The following ANKRD30A variants were observed in gnomAD, a reference collection of about 807,000 sequenced individuals.
The protein encoded by ANKRD30A is ankyrin repeat domain-containing protein 30A.
A neutral mutation model predicts 166.3 loss-of-function variants in ANKRD30A; 170 were observed. That is an observed-to-expected ratio of 1.02 (90% confidence interval 0.90 to 1.16). The LOEUF (loss-of-function observed/expected upper bound fraction) is 1.16. Ranked by LOEUF, ANKRD30A falls within the 50% of genes most tolerant of loss-of-function variation. The pLI, the probability that ANKRD30A is intolerant of heterozygous loss-of-function variation, is 0.00. For missense variants in ANKRD30A, 1,630 were observed against 1,518.0 expected (o/e 1.07, Z -1.23); for synonymous variants, 564 against 508.9 (o/e 1.11, Z -1.46).
chr10:37,196,572 CTT>C (rs1841134913), intron 27 of ANKRD30A, among the ~76,000 whole-genome samples: 1 of 152,034 alleles, frequency 6.6e-6, no homozygotes, highest in East Asian at 1.9e-4. Flanking sequence ...ATTGTGGTGA[CTT>C]AACAATTAAA....
intron 34 of ANKRD30A, among the ~76,000 whole-genome samples, chr10:37,230,931 G>C (rs1250743850): frequency 1.3e-5 from 2 of 152,034 alleles, no homozygotes; most frequent in South Asian, 2.1e-4. Context: ...CTTTGAAGCT[G>C]CTTTAGTTCT....
Position 37,152,135 on chromosome 10 carries a change from T to C in ANKRD30A, c.1707+14T>C, listed in dbSNP as rs1479658675. The C allele has an allele frequency of 1.9e-6, 3 of 1,584,728 alleles. No homozygotes were observed. Among genetic ancestry groups the C allele is most frequent in the Non-Finnish European group, 1.7e-6 (2 of 1,156,834 alleles). On this transcript the variant is annotated intron_variant, in intron 12 of 35. Transcript: ENST00000361713. ...TGGGATTCTGAGGTACTATGTGTTA[T>C]TGATTTTTTTTTAATATTAGTATTG... is the stretch of plus-strand genomic sequence containing the variant.
intron 25 of ANKRD30A, among the ~76,000 whole-genome samples, chr10:37,191,588 A>T (rs2788637): frequency 0.034 from 5,170 of 151,598 alleles, 178 homozygotes; most frequent in South Asian, 0.055. Context: ...CAGCATATAC[A>T]TATTGGTATT....
intron 24 of ANKRD30A, among the ~76,000 whole-genome samples, chr10:37,179,199 A>G (rs1466778566): frequency 6.6e-6 from 1 of 150,886 alleles, no homozygotes. Flanking sequence ...TCATTAGTAA[A>G]TAACATGCTA....
intron 15 of ANKRD30A, among the ~76,000 whole-genome samples, chr10:37,162,249 T>G (rs892170099): frequency 2.6e-5 from 4 of 152,166 alleles, no homozygotes; most frequent in Non-Finnish European, 5.9e-5. Flanking sequence ...TCAGCTGAAC[T>G]TTCATCATAA....
the ANKRD30A span, among the ~76,000 whole-genome samples, chr10:37,255,628 A>G: frequency 6.6e-6 from 1 of 152,178 alleles, no homozygotes; most frequent in Non-Finnish European, 1.5e-5. Context: ...TCATTAAGCA[A>G]TAACTCCCCA....
chr10:37,135,519 A>G (rs753727355), intron 5 of ANKRD30A, among the ~76,000 whole-genome samples: 1 of 152,248 alleles, frequency 6.6e-6, no homozygotes, highest in Non-Finnish European at 1.5e-5. Flanking sequence ...TGTGTGCAGT[A>G]TGCTGTTAGT....
chr10:37,254,294 A>G, the ANKRD30A span, among the ~76,000 whole-genome samples: 2 of 152,176 alleles, frequency 1.3e-5, no homozygotes, highest in East Asian at 3.9e-4. Context: ...ACCACCTCAC[A>G]GTTTTCCAAA....
chr10:37,190,125 C>T (rs906783276), intron 25 of ANKRD30A, among the ~76,000 whole-genome samples: 5 of 151,876 alleles, frequency 3.3e-5, no homozygotes, highest in African/African-American at 1.2e-4. Context: ...AGCATATCTG[C>T]ATGGCCACAC....
intron 25 of ANKRD30A, among the ~76,000 whole-genome samples, chr10:37,191,881 G>A (rs1304935735): frequency 6.6e-6 from 1 of 151,958 alleles, no homozygotes; most frequent in Admixed American, 6.6e-5. Context: ...TGTAGTCCCA[G>A]CTACTCCGGA....
At chr10:37,206,312 G>A (rs185427401) in intron 31 of ANKRD30A, among the ~76,000 whole-genome samples, 144 of 152,242 alleles carry the variant, frequency 9.5e-4, no homozygotes, top group African/African-American at 3.2e-3. Flanking sequence ...GAGATTGTGT[G>A]TGCTCTGGAG....
chr10:37,264,650 G>T, the ANKRD30A span: 2 of 262,992 alleles, frequency 7.6e-6, no homozygotes, highest in Admixed American at 4.0e-5. Flanking sequence ...AAGTATGCCA[G>T]ATTGGAAGTT....
chr10:37,167,181 A>T (rs1404272830), intron 19 of ANKRD30A, among the ~76,000 whole-genome samples: 3 of 151,136 alleles, frequency 2.0e-5, no homozygotes, highest in African/African-American at 7.4e-5. Context: ...TTTACTGCAG[A>T]ATGTTAGAGT....
intron 13 of ANKRD30A, among the ~76,000 whole-genome samples, chr10:37,157,890 T>G (rs1162861890): frequency 6.6e-6 from 1 of 152,220 alleles, no homozygotes; most frequent in Non-Finnish European, 1.5e-5. Context: ...CTTTGAACTC[T>G]CATCACAACT....
chr10:37,243,948 A>C, the ANKRD30A span, among the ~76,000 whole-genome samples: 3 of 152,036 alleles, frequency 2.0e-5, no homozygotes, highest in African/African-American at 7.2e-5. Flanking sequence ...ACCATTATGC[A>C]GTTCAGAAAC....
At chr10:37,205,765 C>T (rs1841953157) in intron 31 of ANKRD30A, among the ~76,000 whole-genome samples, 1 of 152,186 alleles carries the variant, frequency 6.6e-6, no homozygotes, top group East Asian at 1.9e-4. Context: ...AGGTTTCAAA[C>T]TTTAAGAAAT....
At chr10:37,164,684 G>A (rs1196195992) in intron 17 of ANKRD30A, among the ~76,000 whole-genome samples, 1 of 152,056 alleles carries the variant, frequency 6.6e-6, no homozygotes, top group African/African-American at 2.4e-5. Context: ...TTGAAGAACT[G>A]TGTAAGAGAG....
rs1588944486 is a variant in ANKRD30A at position 37,216,465 on chromosome 10, T to G, written c.3083+71T>G. ...AAACTACGTAGGATACTTTTTGTAA[T>G]AGCTGACTTACCTTCTGAGGTTTTA... On this transcript the variant is annotated intron_variant, in intron 32 of 35. Coordinates refer to ENST00000361713, the MANE Select transcript of ANKRD30A (RefSeq NM_052997.3). 4.3e-6 allele frequency: 6 copies of G among 1,392,026 alleles called. No homozygotes were observed. In the East Asian group the frequency reaches 1.4e-4, roughly 33 times the overall value. 86.2% of individuals were successfully genotyped at this position (1,392,026 alleles called of 1,614,324 possible). A position where few individuals can be genotyped will look rare whatever the true frequency, so the allele number is the denominator to read the frequency against.
chr10:37,177,959 C>T (rs1767378), intron 24 of ANKRD30A, among the ~76,000 whole-genome samples: 29,452 of 125,954 alleles, frequency 0.23, 1,024 homozygotes, highest in Middle Eastern at 0.28. Context: ...AGCTGAATTA[C>T]TAGTTTAAAT....
Sources: allele counts gnomAD v4.1 joint callset (sites outside exome capture counted in the v4.1 genomes callset), GRCh38; gene constraint gnomAD v4.1.1; transcripts MANE v1.5; gene names NCBI Gene and HGNC (gene_info 2026-07-23, HGNC 2026-07-21).